The following ZBTB25 variants were observed in gnomAD, a reference collection of about 807,000 sequenced individuals.
ZBTB25 encodes the protein zinc finger and BTB domain-containing protein 25.
A neutral mutation model predicts 34.2 loss-of-function variants in ZBTB25; 20 were observed. The ratio of observed to expected loss-of-function variants is 0.58; its 90% CI spans 0.41 to 0.85. The LOEUF is 0.85. ZBTB25 is among the 40% of genes least tolerant of loss of function. The probability of loss-of-function intolerance (pLI) is 0.00; values close to 1 mark genes in which losing one functional copy is unlikely to be tolerated. For synonymous variants in ZBTB25, 175 were observed against 186.4 expected, an observed-to-expected ratio of 0.94 and a Z score of 0.50; for missense variants, 437 against 521.8, an observed-to-expected ratio of 0.84 and a Z score of 1.58.
At chr14:64,497,346 C>A (rs552589509) in intron 1 of ZBTB25, among the ~76,000 whole-genome samples, 2 of 152,114 alleles carry the variant, frequency 1.3e-5, no homozygotes, top group African/African-American at 2.4e-5. Flanking sequence ...TTTGTATAGC[C>A]TTTGCTCATC....
chr14:64,476,019 C>T (rs996815590), downstream of ZBTB25, among the ~76,000 whole-genome samples: 3 of 152,190 alleles, frequency 2.0e-5, no homozygotes, highest in Non-Finnish European at 4.4e-5. Flanking sequence ...TCCATTTCTG[C>T]ACTCCTGGGA....
At chr14:64,462,697 G>A (rs779972877) in intron 2 of ZBTB25, 1 of 152,184 alleles carries the variant, frequency 6.6e-6, no homozygotes, top group African/African-American at 2.4e-5. Flanking sequence ...TAGCATTTAT[G>A]TGCTGCCACA....
In ZBTB25 at chr14:64,487,405, T is replaced by C. The variant is rs1325780907; in HGVS notation, c.826A>G (p.Ser276Gly). ...PFGVPASILE[S>G]NDLGEVHPLN... ...GGATGCACTTCACCAAGGTCATTAC[T>C]TTCCAGAATGGAAGCAGGGACACCG... Residue 276 changes from serine to glycine, a missense_variant, in exon 3 of 3, where the codon AGT becomes GGT. Ser to Gly is a moderately conservative substitution (Grantham distance 56). Transcript: ENST00000608382. 7 of 1,614,074 alleles carry C rather than the reference T, an allele frequency of 4.3e-6. No individual in the cohort carries two copies. The highest frequency in any genetic ancestry group is 1.7e-5 in the Admixed American group (1 of 59,998).
chr14:64,460,997 G>C (rs913928590), intron 2 of ZBTB25: 3 of 152,138 alleles, frequency 2.0e-5, no homozygotes, highest in Admixed American at 2.0e-4. Flanking sequence ...CTGCACTCCA[G>C]CCTGGGAGAC....
At chr14:64,460,030 A>G in intron 2 of ZBTB25, 1 of 1,011,780 alleles carries the variant, frequency 9.9e-7, no homozygotes, top group Non-Finnish European at 1.4e-6. Flanking sequence ...TATGAATTAC[A>G]GCCTTAACAG....
chr14:64,468,642 A>G, intron 2 of ZBTB25: 1 of 1,613,974 alleles, frequency 6.2e-7, no homozygotes, highest in East Asian at 2.2e-5. Context: ...GCCTCACTCA[A>G]ACGTCTTGTA....
chr14:64,476,963 C>T (rs1424073215), downstream of ZBTB25, among the ~76,000 whole-genome samples: 2 of 152,154 alleles, frequency 1.3e-5, no homozygotes, highest in African/African-American at 4.8e-5. Context: ...ATCTTTTTCT[C>T]ATTAAGGTAT....
chr14:64,466,767 A>G (rs1420722836), intron 2 of ZBTB25, among the ~76,000 whole-genome samples: 1 of 152,210 alleles, frequency 6.6e-6, no homozygotes, highest in Non-Finnish European at 1.5e-5. Context: ...GATTTACATA[A>G]AAACAATATA....
Position 64,487,227 on chromosome 14 carries a change from A to C in ZBTB25, c.1004T>G (p.Val335Gly), listed in dbSNP as rs2078898736. 6.2e-7 allele frequency: 1 copy of C among 1,614,070 alleles called. No homozygotes were observed. The highest frequency in any genetic ancestry group is 1.1e-5 in the South Asian group (1 of 91,084). ...VSLISKDTEP[V>G]ELNCNFSFSR... ...AAAAGAAAAATTACAGTTTAATTCT[A>C]CTGGCTCTGTGTCTTTGGAGATCAA... The change falls in exon 3 of 3, where the codon GTA (valine) becomes GGA (glycine). Residue 335 changes from valine (V) to glycine (G), a missense_variant. Val to Gly is a moderately radical substitution (Grantham distance 109). Coordinates refer to ENST00000608382, the MANE Select transcript of ZBTB25 (RefSeq NM_006977.5).
intron 2 of ZBTB25, among the ~76,000 whole-genome samples, chr14:64,489,039 G>A (rs762271688): frequency 1.3e-5 from 2 of 152,170 alleles, no homozygotes; most frequent in Non-Finnish European, 1.5e-5. Context: ...CTGAGGTCAG[G>A]AGTTCAAGAG....
chr14:64,482,747 GA>G lies in ZBTB25; in HGVS notation c.*4175del, dbSNP rs898097494. The G allele has an allele frequency of 6.6e-6, 1 of 152,190 alleles. No individual in the cohort carries two copies. Among genetic ancestry groups the G allele is most frequent in the African/African-American group, 2.4e-5 (1 of 41,448 alleles). 9.4% of individuals were successfully genotyped at this position (152,190 alleles called of 1,614,324 possible). On this transcript the variant is annotated 3_prime_UTR_variant, in exon 3 of 3. Transcript: ENST00000608382. ...TTAGATAGTACATTACTGCTTTTAA[GA>G]ACATTTTAGAATTTATAGGCTGAAA... is the stretch of plus-strand genomic sequence containing the variant.
At chr14:64,491,569 G>A (rs937352663) in intron 1 of ZBTB25, among the ~76,000 whole-genome samples, 7 of 152,210 alleles carry the variant, frequency 4.6e-5, no homozygotes, top group African/African-American at 1.7e-4. Flanking sequence ...TGGAACAACT[G>A]CGGGGAAGCC....
chr14:64,488,284 C>G lies in ZBTB25; in HGVS notation c.174-227G>C, dbSNP rs181616851. 1.6e-4 allele frequency among the ~76,000 whole-genome samples: 24 copies of G among 152,220 alleles called. No homozygotes were observed. In the East Asian group the frequency reaches 4.0e-3, roughly 26 times the overall value. On this transcript the variant is annotated intron_variant, in intron 2 of 2. Transcript: ENST00000608382. ...ATCTACTGCCTAAAGTTAGGAAACA[C>G]AGACATACATTCTGAATAGTTCAAC...
In ZBTB25 at chr14:64,469,816, G is replaced by C. The variant is rs1437159362; in HGVS notation, c.174-20178C>G. 5 of 638,606 alleles carry C rather than the reference G, an allele frequency of 7.8e-6. No individual in the cohort carries two copies. In the East Asian group the frequency reaches 1.2e-4, roughly 15 times the overall value. The allele number at this position is 638,606 out of a possible 1,614,324, so 39.6% of individuals were successfully genotyped here. On this transcript the variant is annotated intron_variant, in intron 2 of 2. Transcript: ENST00000555220. ...AAAGGTACAATTCCAGCGCAGAAGT[G>C]CTAAAGATTAAGTCAAGTTTATAAA...
At chr14:64,499,857 G>A (rs56007903) in intron 1 of ZBTB25, among the ~76,000 whole-genome samples, 1 of 152,172 alleles carries the variant, frequency 6.6e-6, no homozygotes, top group Non-Finnish European at 1.5e-5. Flanking sequence ...GGGTATGGAG[G>A]GGGTAGATGA....
chr14:64,485,814 T>A lies in ZBTB25; in HGVS notation c.*1109A>T. On this transcript the variant is annotated 3_prime_UTR_variant, in exon 3 of 3. Transcript: ENST00000608382. ...CATTCTCTTTCAACTCATGTAAACCTCTGGTCATAAAATCTCAAATTACTT... is the reference window on the plus strand; with the variant it reads ...CATTCTCTTTCAACTCATGTAAACCACTGGTCATAAAATCTCAAATTACTT... The A allele has an allele frequency of 1.0e-6, 1 of 985,344 alleles. No individual in the cohort carries two copies. The highest frequency in any genetic ancestry group is 1.2e-6 in the Non-Finnish European group (1 of 829,884). 61.0% of individuals were successfully genotyped at this position (985,344 alleles called of 1,614,324 possible). A position where few individuals can be genotyped will look rare whatever the true frequency, so the allele number is the denominator to read the frequency against.
At chr14:64,456,337 G>A (rs1247259455) in intron 2 of ZBTB25, among the ~76,000 whole-genome samples, 1 of 152,080 alleles carries the variant, frequency 6.6e-6, no homozygotes, top group Non-Finnish European at 1.5e-5. Flanking sequence ...TTGCCGTTGG[G>A]GCCTTAACGA....
At position 64,479,216 on chromosome 14, in the gene ZBTB25, A is replaced by T. The variant is rs547143308; in HGVS notation, c.*7707T>A. 1.5e-4 allele frequency: 23 copies of T among 152,250 alleles called. No homozygotes were observed. The highest frequency in any genetic ancestry group is 1.2e-3 in the Admixed American group (18 of 15,296). 9.4% of individuals were successfully genotyped at this position (152,250 alleles called of 1,614,324 possible). A position where few individuals can be genotyped will look rare whatever the true frequency, so the allele number is the denominator to read the frequency against. On this transcript the variant is annotated 3_prime_UTR_variant, in exon 3 of 3. Coordinates refer to ENST00000608382, the MANE Select transcript of ZBTB25 (RefSeq NM_006977.5). ...GACAGCCATCACAAAACTTACTTTAAGGTCTCAGAAGGGTTGGTCAACCTC... is the reference window on the plus strand; with the variant it reads ...GACAGCCATCACAAAACTTACTTTATGGTCTCAGAAGGGTTGGTCAACCTC...
At chr14:64,503,563 C>T in intron 1 of ZBTB25, 98 bp downstream of exon 1, 2 of 986,088 alleles carry the variant, frequency 2.0e-6, no homozygotes, top group Non-Finnish European at 1.2e-6. Context: ...TTGCATCTGT[C>T]CCGCGACTGG....
Sources: allele counts gnomAD v4.1 joint callset (sites outside exome capture counted in the v4.1 genomes callset), GRCh38; gene constraint gnomAD v4.1.1; transcripts MANE v1.5; gene names NCBI Gene and HGNC (gene_info 2026-07-23, HGNC 2026-07-21).